Variants in ZCCHC14 observed in about 807,000 individuals in gnomAD.
ZCCHC14 encodes zinc finger CCHC domain-containing protein 14.
A neutral mutation model predicts 85.0 loss-of-function variants in ZCCHC14; 16 were observed. The ratio of observed to expected loss-of-function variants is 0.19; its 90% CI spans 0.13 to 0.29. The LOEUF (loss-of-function observed/expected upper bound fraction) is 0.29. ZCCHC14 is among the 10% of genes least tolerant of loss of function. The pLI, the probability that ZCCHC14 is intolerant of heterozygous loss-of-function variation, is 1.00. For synonymous variants in ZCCHC14, 775 were observed against 630.7 expected, an observed-to-expected ratio of 1.23 and a Z score of -3.43; for missense variants, 1,303 against 1,443.5, an observed-to-expected ratio of 0.90 and a Z score of 1.58.
At chr16:87,469,346 A>T (rs1316371624) in intron 1 of ZCCHC14, among the ~76,000 whole-genome samples, 1 of 152,276 alleles carries the variant, frequency 6.6e-6, no homozygotes, top group Non-Finnish European at 1.5e-5. Context: ...ACTGAATGTC[A>T]GTTCCTAAAT....
At position 87,491,717 on chromosome 16, in the gene ZCCHC14, G is replaced by T; in HGVS notation, c.522C>A (p.Gly174=). The change falls in exon 1 of 13, where the codon GGC becomes GGA. Residue 174 remains glycine (G), a synonymous_variant. Coordinates refer to ENST00000671377, the MANE Select transcript of ZCCHC14 (RefSeq NM_015144.3). This position sits in a 1 kb window ranked among gnomAD's most constrained non-coding sequence, Gnocchi z 5.9. ...LNGGGGHGGK[G]APGPGGALPT... is the part of the protein sequence containing the mutation. The stretch of plus-strand genomic sequence containing the variant: ...GCAGCGCGCCGCCCGGCCCGGGCGC[G>T]CCCTTGCCGCCGTGGCCCCCGCCGC... 6.5e-7 allele frequency: 1 copy of T among 1,544,542 alleles called. No individual in the cohort carries two copies. Among genetic ancestry groups the T allele is most frequent in the Non-Finnish European group, 8.7e-7 (1 of 1,152,030 alleles).
Position 87,412,985 on chromosome 16 carries a change from G to A in ZCCHC14, c.1745-9C>T, listed in dbSNP as rs778046107. ...CAAGTGAATCTCCACACCTAGAGAG[G>A]GAAACAAGAGTGGTCAGTGCCATTC... On this transcript the variant is annotated splice_polypyrimidine_tract_variant and intron_variant, in intron 11 of 12. Transcript: ENST00000671377. 4 of 1,613,288 alleles carry A rather than the reference G, an allele frequency of 2.5e-6. No individual in the cohort carries two copies. The highest frequency in any genetic ancestry group is 2.2e-5 in the East Asian group (1 of 44,884).
intron 1 of ZCCHC14, among the ~76,000 whole-genome samples, chr16:87,489,214 G>A (rs191448030): frequency 5.8e-4 from 88 of 152,298 alleles, no homozygotes; most frequent in Non-Finnish European, 9.3e-4. Flanking sequence ...TGACACTAGG[G>A]ATGTAGGGAA....
At position 87,436,251 on chromosome 16, in the gene ZCCHC14, G is replaced by A. The variant is rs543892947; in HGVS notation, c.695-3050C>T. On this transcript the variant is annotated intron_variant, in intron 2 of 12. Transcript: ENST00000671377. ...TATTCAGCTGTTTTCAAATAAAAGA[G>A]GCATTTCCAATTCTAGGCTCCAAAT... is the stretch of plus-strand genomic sequence containing the variant. Among the ~76,000 whole-genome samples, 14 of 152,390 alleles carry A rather than the reference G, an allele frequency of 9.2e-5. No individual in the cohort carries two copies. In the South Asian group the frequency reaches 2.7e-3, roughly 29 times the overall value.
chr16:87,424,408 G>A (rs561040230), intron 3 of ZCCHC14, among the ~76,000 whole-genome samples: 1 of 151,900 alleles, frequency 6.6e-6, no homozygotes, highest in South Asian at 2.1e-4. Context: ...GGACAGGGCA[G>A]TGATCACTAG....
At chr16:87,483,391 T>C (rs941042343) in intron 1 of ZCCHC14, among the ~76,000 whole-genome samples, 1 of 146,534 alleles carries the variant, frequency 6.8e-6, no homozygotes, top group African/African-American at 2.6e-5. Context: ...CTTGGGTGGC[T>C]GAGGCAGAAG....
chr16:87,489,400 C>A (rs1912651023), intron 1 of ZCCHC14, among the ~76,000 whole-genome samples: 1 of 152,146 alleles, frequency 6.6e-6, no homozygotes, highest in Admixed American at 6.5e-5. Flanking sequence ...CGCTCATAGC[C>A]AAGATGTAAA....
rs1187546493 is a variant in ZCCHC14, at chr16:87,444,298, T to C, written c.695-11097A>G. On this transcript the variant is annotated intron_variant, in intron 2 of 12. Coordinates refer to ENST00000671377, the MANE Select transcript of ZCCHC14 (RefSeq NM_015144.3). ...AGAAAGCAAGGAATTGCTCATAGAA[T>C]GACAGGACATATTAAAAAGACACAA... 5.3e-5 allele frequency among the ~76,000 whole-genome samples: 8 copies of C among 152,176 alleles called. 1 individual carries two copies. The highest frequency in any genetic ancestry group is 3.9e-4 in the Admixed American group (6 of 15,272).
intron 2 of ZCCHC14, among the ~76,000 whole-genome samples, chr16:87,449,782 C>G (rs1038044709): frequency 6.6e-6 from 1 of 152,168 alleles, no homozygotes; most frequent in Non-Finnish European, 1.5e-5. Context: ...TGGGGGCTCA[C>G]GCTTGTGATC....
At chr16:87,421,907 C>T (rs1031057645) in intron 4 of ZCCHC14, among the ~76,000 whole-genome samples, 1 of 151,492 alleles carries the variant, frequency 6.6e-6, no homozygotes, top group Non-Finnish European at 1.5e-5. Flanking sequence ...GTCTGACATT[C>T]AGTCAACATT....
intron 4 of ZCCHC14, 25 bp downstream of exon 4, chr16:87,423,785 T>C: frequency 6.2e-7 from 1 of 1,611,632 alleles, no homozygotes. Context: ...CTTTTAATTT[T>C]TATAAGAGCC....
chr16:87,487,084 G>A (rs1043148830), intron 1 of ZCCHC14, among the ~76,000 whole-genome samples: 1 of 152,184 alleles, frequency 6.6e-6, no homozygotes, highest in Non-Finnish European at 1.5e-5. Context: ...GAAAAGCAAC[G>A]AAGCAAAAGC....
At chr16:87,456,175 C>T (rs1487161883) in intron 2 of ZCCHC14, among the ~76,000 whole-genome samples, 2 of 152,122 alleles carry the variant, frequency 1.3e-5, no homozygotes, top group African/African-American at 4.8e-5. Context: ...TTCTCGATTT[C>T]GGCTACACAC....
At chr16:87,423,337 T>C (rs1188205547) in intron 4 of ZCCHC14, among the ~76,000 whole-genome samples, 1 of 152,134 alleles carries the variant, frequency 6.6e-6, no homozygotes, top group African/African-American at 2.4e-5. Flanking sequence ...GCTGTGATGA[T>C]GGTACCACCA....
rs1483030814 is a variant in ZCCHC14 at position 87,492,752 on chromosome 16, CCGCGGG to C, written c.-520_-515del. On this transcript the variant is annotated 5_prime_UTR_variant, in exon 1 of 13. Transcript: ENST00000671377. The surrounding 1 kb of genome is among the most constrained non-coding windows in gnomAD (Gnocchi z 6.7). ...CGCCCAGGCCGGCCGTTACCCCGGG[CCGCGGG>C]CGCGGCGTCGCCGCCTGGGGAGCGC... is the stretch of plus-strand genomic sequence containing the variant. The C allele has an allele frequency of 1.4e-5, 2 of 146,658 alleles. No homozygotes were observed. Among genetic ancestry groups the C allele is most frequent in the African/African-American group, 4.9e-5 (2 of 40,950 alleles). The allele number at this position is 146,658 out of a possible 1,614,324, so 9.1% of individuals were successfully genotyped here. A position where few individuals can be genotyped will look rare whatever the true frequency, so the allele number is the denominator to read the frequency against.
intron 1 of ZCCHC14, among the ~76,000 whole-genome samples, chr16:87,485,605 A>AAAG (rs1169191896): frequency 1.3e-5 from 2 of 151,314 alleles, no homozygotes; most frequent in African/African-American, 4.9e-5. Flanking sequence ...AAAAAAAAAA[A>AAAG]AAGAAGAAGA....
intron 2 of ZCCHC14, among the ~76,000 whole-genome samples, chr16:87,436,510 G>A (rs1022924400): frequency 6.6e-6 from 1 of 152,266 alleles, no homozygotes; most frequent in Non-Finnish European, 1.5e-5. Context: ...GTCAAGGTCA[G>A]GAAAGATTTC....
At chr16:87,439,332 A>G (rs921697360) in intron 2 of ZCCHC14, among the ~76,000 whole-genome samples, 1 of 152,030 alleles carries the variant, frequency 6.6e-6, no homozygotes, top group Non-Finnish European at 1.5e-5. Context: ...TGGGGGTTGC[A>G]CTATGTTGAC....
chr16:87,459,981 C>T (rs771745689), intron 2 of ZCCHC14, 27 bp downstream of exon 2: 1 of 1,613,950 alleles, frequency 6.2e-7, no homozygotes, highest in African/African-American at 1.3e-5. Context: ...CGTCAGACGT[C>T]CTCCTGAAAC....
Sources: allele counts gnomAD v4.1 joint callset (sites outside exome capture counted in the v4.1 genomes callset), GRCh38; gene constraint gnomAD v4.1.1; non-coding constraint Gnocchi (gnomAD v3.1); transcripts MANE v1.5; gene names NCBI Gene and HGNC (gene_info 2026-07-23, HGNC 2026-07-21).